Variants in CAPN15 observed in about 807,000 individuals in gnomAD.
CAPN15 encodes calpain 15, also known as calpain-15.
A neutral mutation model predicts 97.9 loss-of-function variants in CAPN15; 53 were observed. The ratio of observed to expected loss-of-function variants is 0.54; its 90% CI spans 0.43 to 0.68. The LOEUF (loss-of-function observed/expected upper bound fraction) is 0.68, where lower values mean the gene tolerates loss of function less well. CAPN15 is among the 30% of genes least tolerant of loss of function. The pLI, the probability that CAPN15 is intolerant of heterozygous loss-of-function variation, is 0.00. For synonymous variants in CAPN15, 922 were observed against 722.5 expected, an observed-to-expected ratio of 1.28 and a Z score of -4.43; for missense variants, 1,592 against 1,589.8, an observed-to-expected ratio of 1.00 and a Z score of -0.02.
In CAPN15 at chr16:535,967, G is replaced by T. The variant is rs2033681701; in HGVS notation, c.-136-62G>T. 3 of 468,692 alleles carry T rather than the reference G, an allele frequency of 6.4e-6. No individual in the cohort carries two copies. Among genetic ancestry groups the T allele is most frequent in the Non-Finnish European group, 8.3e-6 (3 of 360,472 alleles). The allele number at this position is 468,692 out of a possible 1,614,324, so 29.0% of individuals were successfully genotyped here. A position where few individuals can be genotyped will look rare whatever the true frequency, so the allele number is the denominator to read the frequency against. On this transcript the variant is annotated intron_variant, in intron 2 of 13. Coordinates refer to ENST00000219611, the MANE Select transcript of CAPN15 (RefSeq NM_005632.3). The surrounding 1 kb of genome is among the most constrained non-coding windows in gnomAD (Gnocchi z 6.2). The stretch of plus-strand genomic sequence containing the variant: ...CCTCACCCTGCTGTCCCTCGGCCTG[G>T]CCTGGGCACACTCCTTGGTGACAGT...
intron 1 of CAPN15, among the ~76,000 whole-genome samples, chr16:529,178 G>T (rs1322791307): frequency 6.6e-6 from 1 of 152,008 alleles, no homozygotes; most frequent in Non-Finnish European, 1.5e-5. Context: ...AGGCTCTCCA[G>T]AGCTCCTTGA....
chr16:538,883 C>CA (rs1326992671), intron 3 of CAPN15: 1 of 150,952 alleles, frequency 6.6e-6, no homozygotes, highest in East Asian at 1.9e-4. Context: ...CCACCCCCCC[C>CA]AGCCCGCTCA....
rs766681253 is a variant in CAPN15, at chr16:548,218, G to A, written c.1380G>A (p.Glu460=). The change falls in exon 4 of 14, where the codon GAG becomes GAA. Residue 460 remains glutamate, a synonymous_variant. Coordinates refer to ENST00000219611, the MANE Select transcript of CAPN15 (RefSeq NM_005632.3). The part of the protein sequence containing the change: ...PLRRRESMHV[E]QRRQTDEGEA... ...GGCGCAGGGAGAGCATGCACGTGGAGCAGCGGCGGCAGACAGACGAGGGCG... is the reference window on the plus strand; with the variant it reads ...GGCGCAGGGAGAGCATGCACGTGGAACAGCGGCGGCAGACAGACGAGGGCG... 5 of 1,549,090 alleles carry A rather than the reference G, an allele frequency of 3.2e-6. No individual in the cohort carries two copies. The South Asian group carries it at 4.8e-5, about 15-fold the overall frequency.
chr16:551,874 C>G, intron 9 of CAPN15, 177 bp from the exon 10 acceptor site: 1 of 974,528 alleles, frequency 1.0e-6, no homozygotes, highest in Non-Finnish European at 1.6e-6. Context: ...AGAGCCGGCC[C>G]TGGAGGGCTT....
rs1373078923 is a variant in CAPN15, at chr16:547,167, C to T, written c.329C>T (p.Thr110Ile). Reference sequence around the variant, plus strand: ...CAGGAGGAAGCAGGTCCAGTGAGGACTGCGGGGCTGGTGGCCACGGAGCCC... The same window carrying T: ...CAGGAGGAAGCAGGTCCAGTGAGGATTGCGGGGCTGGTGGCCACGGAGCCC... ...SCQEEAGPVR[T>I]AGLVATEPAR... Residue 110 changes from threonine (T) to isoleucine (I), a missense_variant, in exon 4 of 14, where the codon ACT becomes ATT. This residue lies in a region of CAPN15 where 883 missense variants were observed against 776.6 expected (regional missense o/e 1.14). Coordinates refer to ENST00000219611, the MANE Select transcript of CAPN15 (RefSeq NM_005632.3). 1.3e-6 allele frequency: 2 copies of T among 1,542,374 alleles called. No homozygotes were observed. Among genetic ancestry groups the T allele is most frequent in the Non-Finnish European group, 1.7e-6 (2 of 1,148,466 alleles).
chr16:544,073 C>T (rs903573303), intron 3 of CAPN15, among the ~76,000 whole-genome samples: 2 of 152,172 alleles, frequency 1.3e-5, no homozygotes, highest in African/African-American at 4.8e-5. Context: ...ACGGGCCGGG[C>T]ACCGGCGGCT....
At position 547,207 on chromosome 16, in the gene CAPN15, C is replaced by A; in HGVS notation, c.369C>A (p.Cys123Ter). ...CCACGGAGCCCGCCAGGGGGCAGTG[C>A]GAGGACAAGGACGAGGAGGAGAAGG... is the stretch of plus-strand genomic sequence containing the variant. ...LVATEPARGQCEDKDEEEKEE... is the reference protein window; with the variant it reads ...LVATEPARGQ The change falls in exon 4 of 14, where the codon TGC (cysteine) becomes TGA (stop). Residue 123 changes from cysteine to a stop codon, truncating the protein, a stop_gained. Transcript: ENST00000219611. LOFTEE classifies it high-confidence loss of function. 6.5e-7 allele frequency: 1 copy of A among 1,530,130 alleles called. No homozygotes were observed. Among genetic ancestry groups the A allele is most frequent in the South Asian group, 1.2e-5 (1 of 80,684 alleles). 94.8% of individuals were successfully genotyped at this position (1,530,130 alleles called of 1,614,324 possible).
At chr16:549,242 G>GGCGGGGGGGGGGGGGGGGGGGGGGGGGGC in intron 5 of CAPN15, 41 bp downstream of exon 5, 1 of 298,896 alleles carries the variant, frequency 3.3e-6, no homozygotes, top group Non-Finnish European at 6.4e-6. Context: ...GGGTGGGCGG[G>GGCGGGGGGGGGGGGGGGGGGGGGGGGGGC]CGACCGGCCG....
At position 552,189 on chromosome 16, in the gene CAPN15, C is replaced by T. The variant is rs571034712; in HGVS notation, c.2484C>T (p.Phe828=). ...TGCTGGAGCGGGCCTCGCTGGAGTT[C>T]GCGCTCTTCCAGGAGGGCAGCAGGT... ...LTVLERASLE[F]ALFQEGSRRS... is the part of the protein sequence containing the mutation. The change falls in exon 10 of 14, where the codon TTC becomes TTT. Residue 828 remains phenylalanine, a synonymous_variant. Transcript: ENST00000219611. The surrounding 1 kb of genome is among the most constrained non-coding windows in gnomAD (Gnocchi z 6.4). 124 of 1,535,904 alleles carry T rather than the reference C, an allele frequency of 8.1e-5. No homozygotes were observed. The highest frequency in any genetic ancestry group is 1.5e-4 in the East Asian group (6 of 40,706).
chr16:536,331 C>T (rs1596324965), intron 3 of CAPN15, among the ~76,000 whole-genome samples, 189 bp downstream of exon 3: 1 of 152,202 alleles, frequency 6.6e-6, no homozygotes, highest in East Asian at 1.9e-4. Flanking sequence ...CCCTCCTTCC[C>T]ACCACTTCTT....
chr16:537,200 C>T, intron 3 of CAPN15: 1 of 985,256 alleles, frequency 1.0e-6, no homozygotes, highest in Non-Finnish European at 1.2e-6. Context: ...CTAGGACAGG[C>T]CTCCCTCCTG....
At chr16:546,735 G>A in intron 3 of CAPN15, 82 bp from the exon 4 acceptor site, 1 of 1,459,734 alleles carries the variant, frequency 6.9e-7, no homozygotes, top group Non-Finnish European at 9.1e-7. Context: ...ACAGACGGGT[G>A]CCTTCCCCAG....
rs1315618328 is a variant in CAPN15 at position 553,271 on chromosome 16, A to G, written c.3084-68A>G. ...CCCACTCCTGCTCCTGCCCCTGTAC[A>G]GGTGGGCACAGCCCTGCCCCCATCC... On this transcript the variant is annotated intron_variant, in intron 13 of 13. Coordinates refer to ENST00000219611, the MANE Select transcript of CAPN15 (RefSeq NM_005632.3). 2.7e-6 allele frequency: 3 copies of G among 1,105,260 alleles called. No individual in the cohort carries two copies. In the Admixed American group the frequency reaches 5.9e-5, roughly 22 times the overall value. The allele number at this position is 1,105,260 out of a possible 1,614,324, so 68.5% of individuals were successfully genotyped here.
intron 3 of CAPN15, chr16:536,902 A>G (rs1366141130): frequency 6.5e-6 from 1 of 152,858 alleles, no homozygotes; most frequent in African/African-American, 2.4e-5. Flanking sequence ...TCAGGTTGGC[A>G]CGTGGCTGGC....
chr16:537,302 A>G lies in CAPN15; in HGVS notation c.-23+1160A>G, dbSNP rs2033802259. 6.1e-6 allele frequency: 6 copies of G among 985,410 alleles called. No individual in the cohort carries two copies. In the Admixed American group the frequency reaches 3.1e-4, roughly 50 times the overall value. The allele number at this position is 985,410 out of a possible 1,614,324, so 61.0% of individuals were successfully genotyped here. A position where few individuals can be genotyped will look rare whatever the true frequency, so the allele number is the denominator to read the frequency against. On this transcript the variant is annotated intron_variant, in intron 3 of 13. Transcript: ENST00000219611. Reference sequence around the variant, plus strand: ...AGCGCAGGGGAGCAGGAGGCTGGTGAGCAGCTCGCTTCCTGCCCTGGGTGC... The same window carrying G: ...AGCGCAGGGGAGCAGGAGGCTGGTGGGCAGCTCGCTTCCTGCCCTGGGTGC...
In CAPN15 at chr16:547,750, G is replaced by A. The variant is rs2034695777; in HGVS notation, c.912G>A (p.Glu304=). The part of the protein sequence containing the change: ...RLSVLEEEAT[E]GGTSRVEAGS... Reference sequence around the variant, plus strand: ...GTGTGCTGGAGGAAGAGGCCACGGAGGGTGGCACCAGCCGCGTAGAGGCCG... The same window carrying A: ...GTGTGCTGGAGGAAGAGGCCACGGAAGGTGGCACCAGCCGCGTAGAGGCCG... Residue 304 remains glutamate, a synonymous_variant, in exon 4 of 14, where the codon GAG becomes GAA. Transcript: ENST00000219611. 1 of 1,608,106 alleles carries A rather than the reference G, an allele frequency of 6.2e-7. No homozygotes were observed. The highest frequency in any genetic ancestry group is 2.2e-5 in the East Asian group (1 of 44,770).
At position 548,226 on chromosome 16, in the gene CAPN15, G is replaced by A. The variant is rs1250549963; in HGVS notation, c.1388G>A (p.Arg463Gln). The A allele has an allele frequency of 4.5e-6, 7 of 1,550,106 alleles. No homozygotes were observed. Among genetic ancestry groups the A allele is most frequent in the Admixed American group, 2.0e-5 (1 of 49,298 alleles). The change falls in exon 4 of 14, where the codon CGG becomes CAG. Residue 463 changes from arginine (R) to glutamine (Q), a missense_variant. Around this residue, in one of 3 missense-constraint regions of CAPN15, gnomAD observed 883 missense variants for 776.6 expected, o/e 1.14. Transcript: ENST00000219611. ...GAGAGCATGCACGTGGAGCAGCGGCGGCAGACAGACGAGGGCGAGGCCAAG... is the reference window on the plus strand; with the variant it reads ...GAGAGCATGCACGTGGAGCAGCGGCAGCAGACAGACGAGGGCGAGGCCAAG... The part of the protein sequence containing the change: ...RRESMHVEQR[R>Q]QTDEGEAKAL...
intron 7 of CAPN15, among the ~76,000 whole-genome samples, chr16:550,895 T>TGGTCTGC (rs2034985240): frequency 3.0e-5 from 1 of 33,840 alleles, no homozygotes; most frequent in Non-Finnish European, 5.2e-5. Context: ...GTGAGGTCCC[T>TGGTCTGC]GGTCGGTGAG....
intron 2 of CAPN15, among the ~76,000 whole-genome samples, chr16:534,397 T>C (rs1177532127): frequency 1.3e-5 from 2 of 152,200 alleles, no homozygotes; most frequent in Admixed American, 6.5e-5. Flanking sequence ...GGGAGCGGCC[T>C]GCACCTGTTT....
Sources: allele counts gnomAD v4.1 joint callset (sites outside exome capture counted in the v4.1 genomes callset), GRCh38; gene constraint gnomAD v4.1.1; regional missense constraint gnomAD v4.1.1; non-coding constraint Gnocchi (gnomAD v3.1); transcripts MANE v1.5; gene names NCBI Gene and HGNC (gene_info 2026-07-23, HGNC 2026-07-21).